DNAAF5: variants seen among roughly 807,000 people sequenced by gnomAD.
DNAAF5 encodes dynein axonemal assembly factor 5, also known as HEAT repeat containing 2.
DNAAF5 carries 64 observed loss-of-function variants against 75.8 expected under a neutral mutation model. The observed-to-expected ratio is 0.84, with a 90% CI of 0.69 to 1.04. DNAAF5 has a LOEUF of 1.04. DNAAF5 is among the 50% of genes least tolerant of loss of function. DNAAF5 has a pLI of 0.00. For synonymous variants in DNAAF5, 657 were observed against 557.2 expected, an observed-to-expected ratio of 1.18 and a Z score of -2.52; for missense variants, 1,269 against 1,178.5, an observed-to-expected ratio of 1.08 and a Z score of -1.12.
At chr7:741,252 A>C (rs578099153) in intron 3 of DNAAF5, 95 bp from the exon 4 acceptor site, 1 of 911,488 alleles carries the variant, frequency 1.1e-6, no homozygotes, top group East Asian at 2.6e-5. Context: ...CTCTCACGCA[A>C]TGGGGTCTTT....
At chr7:772,699 G>C (rs944903451) in intron 9 of DNAAF5, 6 of 152,344 alleles carry the variant, frequency 3.9e-5, no homozygotes, top group African/African-American at 1.4e-4. Context: ...GCTGTACCCG[G>C]CCCCAGTGCA....
intron 1 of DNAAF5, 98 bp downstream of exon 1, chr7:727,413 C>T: frequency 1.8e-6 from 1 of 562,932 alleles, no homozygotes; most frequent in East Asian, 4.5e-5. Flanking sequence ...CTCGGCCCCG[C>T]CCCCCTCCAC....
chr7:746,843 C>T (rs1782130752), intron 4 of DNAAF5, among the ~76,000 whole-genome samples: 1 of 152,268 alleles, frequency 6.6e-6, no homozygotes, highest in Non-Finnish European at 1.5e-5. Context: ...GGCCCTGGCA[C>T]TGCTGCTGTG....
intron 11 of DNAAF5, chr7:778,205 C>A (rs1254993312): frequency 6.6e-6 from 1 of 152,224 alleles, no homozygotes; most frequent in African/African-American, 2.4e-5. Flanking sequence ...GGAATTCACT[C>A]ACTTTTTAAA....
intron 4 of DNAAF5, among the ~76,000 whole-genome samples, chr7:745,620 C>A (rs564277193): frequency 1.3e-5 from 2 of 152,292 alleles, no homozygotes; most frequent in South Asian, 4.1e-4. Context: ...CACCTGTGCA[C>A]ACACGTGTAC....
chr7:765,793 C>T (rs34086011), intron 8 of DNAAF5, among the ~76,000 whole-genome samples: 119,989 of 152,090 alleles, frequency 0.79, 47,514 homozygotes, highest in South Asian at 0.86. Flanking sequence ...CTCAAACTTC[C>T]GGGATCAAGT....
chr7:757,046 G>A (rs780580077), intron 6 of DNAAF5, 52 bp downstream of exon 6: 48 of 1,517,428 alleles, frequency 3.2e-5, no homozygotes, highest in South Asian at 1.3e-4. Flanking sequence ...TCCCCTGCCC[G>A]GCCGTCAGCC....
intron 4 of DNAAF5, among the ~76,000 whole-genome samples, chr7:750,678 G>A (rs1252817585): frequency 2.6e-5 from 4 of 152,140 alleles, no homozygotes; most frequent in Non-Finnish European, 5.9e-5. Flanking sequence ...CTGCTGTGGG[G>A]CCCAGTTCCT....
chr7:772,618 G>A (rs1008334773), intron 9 of DNAAF5: 20 of 152,354 alleles, frequency 1.3e-4, no homozygotes, highest in African/African-American at 4.1e-4. Flanking sequence ...AGCGTCTTCG[G>A]GTCCTGTGGG....
intron 11 of DNAAF5, 113 bp from the exon 12 acceptor site, chr7:779,840 T>G: frequency 1.1e-6 from 1 of 898,504 alleles, no homozygotes; most frequent in Non-Finnish European, 1.7e-6. Flanking sequence ...TGTGGGTTTC[T>G]TAGGACCCCA....
chr7:731,817 T>C (rs1781593900), intron 2 of DNAAF5, among the ~76,000 whole-genome samples: 1 of 152,178 alleles, frequency 6.6e-6, no homozygotes, highest in Non-Finnish European at 1.5e-5. Flanking sequence ...TGCACGGCCC[T>C]TCACGTGAGT....
chr7:738,881 C>T (rs1024925618), intron 2 of DNAAF5, among the ~76,000 whole-genome samples: 5 of 152,228 alleles, frequency 3.3e-5, no homozygotes, highest in South Asian at 2.1e-4. Flanking sequence ...GGTGGGGCCC[C>T]GCAGAGACCC....
chr7:744,285 C>T (rs897380901), intron 4 of DNAAF5, among the ~76,000 whole-genome samples: 9 of 152,158 alleles, frequency 5.9e-5, no homozygotes, highest in Non-Finnish European at 8.8e-5. Context: ...TTTTTTATGG[C>T]TGCATAGTAT....
intron 12 of DNAAF5, among the ~76,000 whole-genome samples, chr7:781,612 C>T (rs1031819969): frequency 3.3e-5 from 5 of 152,214 alleles, no homozygotes; most frequent in Non-Finnish European, 4.4e-5. Flanking sequence ...CAGCGGTGCT[C>T]ATTTACATTC....
chr7:764,717 T>C (rs549958748), intron 8 of DNAAF5, among the ~76,000 whole-genome samples: 1 of 152,264 alleles, frequency 6.6e-6, no homozygotes, highest in East Asian at 1.9e-4. Context: ...TTCCTGAGAC[T>C]TGGAAAAATA....
At chr7:758,041 C>T (rs193023088) in intron 6 of DNAAF5, among the ~76,000 whole-genome samples, 252 of 152,298 alleles carry the variant, frequency 1.7e-3, no homozygotes, top group Middle Eastern at 6.8e-3. Flanking sequence ...GGGAAGGAAA[C>T]GGAGCTGGGG....
chr7:771,852 T>G (rs941444801), intron 9 of DNAAF5: 1 of 152,208 alleles, frequency 6.6e-6, no homozygotes, highest in Non-Finnish European at 1.5e-5. Context: ...CCAAAGAAAG[T>G]GCGCCTAACA....
chr7:772,012 C>T (rs953764538), intron 9 of DNAAF5: 2 of 152,236 alleles, frequency 1.3e-5, no homozygotes, highest in Admixed American at 1.3e-4. Context: ...CAAGTTGGCT[C>T]TGCTGAAGTA....
intron 2 of DNAAF5, among the ~76,000 whole-genome samples, chr7:736,765 G>A: frequency 6.6e-6 from 1 of 152,132 alleles, no homozygotes; most frequent in Non-Finnish European, 1.5e-5. Flanking sequence ...TTGTTTCGTG[G>A]TCTGCTCTTC....
Sources: gnomAD v4.1 joint callset for allele counts (sites outside exome capture counted in the v4.1 genomes callset) on GRCh38, gnomAD v4.1.1 for gene constraint, MANE v1.5 for transcripts, NCBI Gene and HGNC (gene_info 2026-07-23, HGNC 2026-07-21) for gene names.